The following CLEC3A variants were observed in gnomAD, a reference collection of about 807,000 sequenced individuals.
CLEC3A encodes the protein C-type (calcium dependent, carbohydrate-recognition domain) lectin, superfamily member 1 (cartilage-derived).
A neutral mutation model predicts 20.4 loss-of-function variants in CLEC3A; 28 were observed. The observed-to-expected ratio is 1.37, with a 90% CI of 1.02 to 1.88. CLEC3A has a LOEUF of 1.88. Ranked by LOEUF, CLEC3A falls within the 40% of genes most tolerant of loss-of-function variation. The pLI is 0.00. For synonymous variants in CLEC3A, 110 were observed against 88.1 expected (o/e 1.25, Z -1.39); for missense variants, 357 against 240.4 (o/e 1.48, Z -3.21).
chr16:78,025,630 C>T (rs972275675), intron 1 of CLEC3A, among the ~76,000 whole-genome samples: 3 of 152,196 alleles, frequency 2.0e-5, no homozygotes, highest in East Asian at 3.9e-4. Context: ...TTCTGGGGGA[C>T]TCAAAATAGC....
rs76514387 is a variant in CLEC3A, at chr16:78,028,141, G to T, written c.150G>T (p.Lys50Asn). ...GAGATCTGAAGACTCAAATTGAAAA[G>T]CTCTGGACAGAAGTCAATGCCTTGA... ...KDGDLKTQIEKLWTEVNALKE... is the reference protein window; with the variant it reads ...KDGDLKTQIENLWTEVNALKE... The change falls in exon 2 of 3, where the codon AAG (lysine) becomes AAT (asparagine). Residue 50 changes from lysine to asparagine, a missense_variant. Transcript: ENST00000299642. 1 of 1,611,768 alleles carries T rather than the reference G, an allele frequency of 6.2e-7. No individual in the cohort carries two copies.
intron 2 of CLEC3A, among the ~76,000 whole-genome samples, chr16:78,029,987 A>C (rs377217757): frequency 6.6e-6 from 1 of 152,002 alleles, no homozygotes; most frequent in Non-Finnish European, 1.5e-5. Flanking sequence ...TCCCGTCTCT[A>C]CTAAAAATAC....
intron 2 of CLEC3A, chr16:78,029,180 T>C (rs767197237): frequency 2.2e-5 from 10 of 454,492 alleles, no homozygotes; most frequent in South Asian, 1.2e-4. Flanking sequence ...ACACAGCTAG[T>C]TAAATGTCAG....
intron 2 of CLEC3A, among the ~76,000 whole-genome samples, 162 bp from the exon 3 acceptor site, chr16:78,030,285 G>A (rs2030053608): frequency 6.6e-6 from 1 of 151,806 alleles, no homozygotes; most frequent in South Asian, 2.1e-4. Flanking sequence ...CTTAATTTAT[G>A]TAAAATGCTT....
intron 1 of CLEC3A, among the ~76,000 whole-genome samples, chr16:78,024,574 G>C (rs1401619999): frequency 1.3e-5 from 2 of 152,104 alleles, no homozygotes; most frequent in African/African-American, 4.8e-5. Flanking sequence ...TATAGTTTTT[G>C]CTACTTTTTG....
chr16:78,022,742 G>A lies in CLEC3A; in HGVS notation c.115+1G>A. ...AAGCACAGCAAACGTCGAGTGAGAG[G>A]TAATGGGGCTTCTCAATCAAGCAAA... On this transcript the variant is annotated splice_donor_variant, in intron 1 of 2. Transcript: ENST00000299642. LOFTEE classifies it high-confidence loss of function. The A allele has an allele frequency of 6.2e-7, 1 of 1,613,946 alleles. No homozygotes were observed. Among genetic ancestry groups the A allele is most frequent in the Non-Finnish European group, 8.5e-7 (1 of 1,179,968 alleles).
chr16:78,027,414 G>C (rs1262166219), intron 1 of CLEC3A, among the ~76,000 whole-genome samples: 2 of 152,140 alleles, frequency 1.3e-5, no homozygotes, highest in African/African-American at 4.8e-5. Flanking sequence ...GAAAGCGCTG[G>C]AGCAAGAGTG....
At chr16:78,029,597 T>G (rs1330674836) in intron 2 of CLEC3A, among the ~76,000 whole-genome samples, 4 of 152,096 alleles carry the variant, frequency 2.6e-5, no homozygotes, top group Non-Finnish European at 5.9e-5. Flanking sequence ...CTTGAACTCT[T>G]GACCTTGTGA....
chr16:78,028,144 C>A lies in CLEC3A; in HGVS notation c.153C>A (p.Leu51=). 3.1e-6 allele frequency: 5 copies of A among 1,611,834 alleles called. No homozygotes were observed. Among genetic ancestry groups the A allele is most frequent in the Non-Finnish European group, 3.4e-6 (4 of 1,179,528 alleles). The change falls in exon 2 of 3, where the codon CTC becomes CTA. Residue 51 remains leucine, a synonymous_variant. Transcript: ENST00000299642. ...ATCTGAAGACTCAAATTGAAAAGCT[C>A]TGGACAGAAGTCAATGCCTTGAAGG... ...DGDLKTQIEK[L]WTEVNALKEI...
chr16:78,026,468 G>A (rs1057165087), intron 1 of CLEC3A, among the ~76,000 whole-genome samples: 4 of 152,146 alleles, frequency 2.6e-5, no homozygotes, highest in African/African-American at 7.2e-5. Context: ...AGGTAAGAGG[G>A]ATGAAATGAG....
intron 2 of CLEC3A, among the ~76,000 whole-genome samples, 172 bp downstream of exon 2, chr16:78,028,362 C>G (rs1379274267): frequency 1.3e-5 from 2 of 152,324 alleles, no homozygotes; most frequent in African/African-American, 4.8e-5. Context: ...CATTTACAAT[C>G]CCATTCTCCT....
At chr16:78,029,319 T>C (rs1466485140) in intron 2 of CLEC3A, among the ~76,000 whole-genome samples, 2 of 152,204 alleles carry the variant, frequency 1.3e-5, no homozygotes, top group African/African-American at 4.8e-5. Context: ...AGTTATCTGC[T>C]TAAGAAAATC....
Position 78,031,051 on chromosome 16 carries a change from T to C in CLEC3A, c.*210T>C. ...GGGTATAGGGGATCAGAAATATTGATCCATGTGCACGCAGATAAAATGGCT... is the reference window on the plus strand; with the variant it reads ...GGGTATAGGGGATCAGAAATATTGACCCATGTGCACGCAGATAAAATGGCT... On this transcript the variant is annotated 3_prime_UTR_variant, in exon 3 of 3. Transcript: ENST00000299642. The C allele has an allele frequency of 1.8e-6, 1 of 543,704 alleles. No homozygotes were observed. The highest frequency in any genetic ancestry group is 4.8e-4 in the Middle Eastern group (1 of 2,074). 33.7% of individuals were successfully genotyped at this position (543,704 alleles called of 1,614,324 possible). A position where few individuals can be genotyped will look rare whatever the true frequency, so the allele number is the denominator to read the frequency against.
chr16:78,026,887 A>G (rs2029940382), intron 1 of CLEC3A, among the ~76,000 whole-genome samples: 1 of 152,220 alleles, frequency 6.6e-6, no homozygotes, highest in Non-Finnish European at 1.5e-5. Context: ...GTATTTCTAT[A>G]TGAACCTTTA....
At chr16:78,023,567 A>C (rs926344591) in intron 1 of CLEC3A, among the ~76,000 whole-genome samples, 2 of 152,326 alleles carry the variant, frequency 1.3e-5, no homozygotes, top group Non-Finnish European at 2.9e-5. Flanking sequence ...AGGATATTTC[A>C]GATTATGACT....
At chr16:78,028,485 C>T (rs150326489) in intron 2 of CLEC3A, among the ~76,000 whole-genome samples, 2 of 152,314 alleles carry the variant, frequency 1.3e-5, no homozygotes, top group African/African-American at 2.4e-5. Flanking sequence ...TATGAAATGA[C>T]TAAAATGATT....
Position 78,022,652 on chromosome 16 carries a change from G to A in CLEC3A, c.26G>A (p.Cys9Tyr). 1.2e-6 allele frequency: 2 copies of A among 1,614,106 alleles called. No homozygotes were observed. Among genetic ancestry groups the A allele is most frequent in the Non-Finnish European group, 8.5e-7 (1 of 1,180,020 alleles). Reference protein sequence around the residue: MAKNGLVICILVITLLLDQ... With the variant: MAKNGLVIYILVITLLLDQ... ...ATGGCAAAGAATGGACTTGTAATTT[G>A]CATCCTGGTGATCACCTTACTCCTG... The change falls in exon 1 of 3, where the codon TGC (cysteine) becomes TAC (tyrosine). Residue 9 changes from cysteine to tyrosine, a missense_variant. By Grantham distance (194) the Cys-to-Tyr change is radical (BLOSUM62 -2). Transcript: ENST00000299642.
rs573654531 is a variant in CLEC3A at position 78,032,039 on chromosome 16, T to A, written c.*1198T>A. ...CCACTTTGCAAACTTTAACTACACA[T>A]GCTTGGAATTAAGTTTTAGCTGTTT... On this transcript the variant is annotated 3_prime_UTR_variant, in exon 3 of 3. Coordinates refer to ENST00000299642, the MANE Select transcript of CLEC3A (RefSeq NM_005752.6). The A allele has an allele frequency of 1.4e-4, 21 of 152,750 alleles. No individual in the cohort carries two copies. Among genetic ancestry groups the A allele is most frequent in the East Asian group, 1.3e-3 (7 of 5,190 alleles). The allele number at this position is 152,750 out of a possible 1,614,324, so 9.5% of individuals were successfully genotyped here.
Position 78,030,938 on chromosome 16 carries a change from A to C in CLEC3A, c.*97A>C. 3.0e-6 allele frequency: 4 copies of C among 1,342,294 alleles called. No homozygotes were observed. Among genetic ancestry groups the C allele is most frequent in the Non-Finnish European group, 4.0e-6 (4 of 994,606 alleles). The allele number at this position is 1,342,294 out of a possible 1,614,324, so 83.1% of individuals were successfully genotyped here. ...AAAATCATAATTTTTACTTATTAAA[A>C]AATTGCAACACAAGATCAATGTCCA... On this transcript the variant is annotated 3_prime_UTR_variant, in exon 3 of 3. Transcript: ENST00000299642.
Sources: gnomAD v4.1 joint callset for allele counts (sites outside exome capture counted in the v4.1 genomes callset) on GRCh38, gnomAD v4.1.1 for gene constraint, MANE v1.5 for transcripts, NCBI Gene and HGNC (gene_info 2026-07-23, HGNC 2026-07-21) for gene names.